The following TEX47 variants were observed in gnomAD, a reference collection of about 807,000 sequenced individuals.
TEX47 encodes testis expressed 47, also known as testis-expressed protein 47.
In TEX47, 18 loss-of-function variants were observed where a neutral mutation model predicts 18.0. The ratio of observed to expected loss-of-function variants is 1.00; its 90% confidence interval spans 0.69 to 1.48. The LOEUF (loss-of-function observed/expected upper bound fraction) is 1.48, where lower values mean the gene tolerates loss of function less well. Among genes scored for constraint, TEX47 ranks in the 40% most tolerant of loss-of-function variants. The pLI, the probability that TEX47 is intolerant of heterozygous loss-of-function variation, is 0.00. For synonymous variants in TEX47, 98 were observed against 109.4 expected (o/e 0.90, Z 0.65); for missense variants, 303 against 300.2 (o/e 1.01, Z -0.07).
In TEX47 at chr7:88,794,793, C is replaced by A. The variant is rs917454420; in HGVS notation, c.150G>T (p.Met50Ile). The change falls in exon 2 of 2, where the codon ATG (methionine) becomes ATT (isoleucine). Residue 50 changes from methionine (M) to isoleucine (I), a missense_variant. Physicochemically the swap from Met to Ile is conservative, Grantham distance 10 (BLOSUM62 1). Coordinates refer to ENST00000297203, the MANE Select transcript of TEX47 (RefSeq NM_152706.4). ...LHLKKFLLDRMFLVAKIQANV... is the reference protein window; with the variant it reads ...LHLKKFLLDRIFLVAKIQANV... ...TTGCTTGTATCTTGGCCACTAGAAA[C>A]ATCCTATCAAGAAGGAATTTCTTTA... The A allele has an allele frequency of 1.9e-6, 3 of 1,613,656 alleles. No homozygotes were observed. Among genetic ancestry groups the A allele is most frequent in the Non-Finnish European group, 2.5e-6 (3 of 1,179,802 alleles).
rs991790224 is a variant in TEX47 at position 88,795,032 on chromosome 7, G to A, written c.-90C>T. On this transcript the variant is annotated 5_prime_UTR_variant, in exon 2 of 2. It adds an upstream start codon to the 5' untranslated region. Transcript: ENST00000297203. ...AGGGTACCTCTTTACTGATGAACTC[G>A]TGTTTTTATTTCTTCTGACAAAAAA... The A allele has an allele frequency of 2.0e-5, 22 of 1,076,064 alleles. No individual in the cohort carries two copies. The highest frequency in any genetic ancestry group is 6.0e-5 in the Admixed American group (2 of 33,074). 66.7% of individuals were successfully genotyped at this position (1,076,064 alleles called of 1,614,324 possible). A position where few individuals can be genotyped will look rare whatever the true frequency, so the allele number is the denominator to read the frequency against.
Position 88,794,589 on chromosome 7 carries a change from G to T in TEX47, c.354C>A (p.Val118=). 3.7e-6 allele frequency: 6 copies of T among 1,613,464 alleles called. No homozygotes were observed. Among genetic ancestry groups the T allele is most frequent in the Non-Finnish European group, 5.1e-6 (6 of 1,179,660 alleles). The change falls in exon 2 of 2, where the codon GTC becomes GTA. Residue 118 remains valine (V), a synonymous_variant. Transcript: ENST00000297203. Reference sequence around the variant, plus strand: ...GAATAAAAAATACTGTTTCATCTTTGACATGGCCAATATAATCTAAAAGAA... The same window carrying T: ...GAATAAAAAATACTGTTTCATCTTTTACATGGCCAATATAATCTAAAAGAA... ...YKVLLDYIGH[V]KDETVFFIQQ... is the part of the protein sequence containing the mutation.
At chr7:88,795,080 T>C in intron 1 of TEX47, 34 bp from the exon 2 acceptor site, 1 of 716,478 alleles carries the variant, frequency 1.4e-6, no homozygotes, top group East Asian at 2.9e-5. Context: ...TCACGGTTTG[T>C]CAAATGTTAC....
rs777349674 is a variant in TEX47, at chr7:88,794,425, T to C, written c.518A>G (p.Asp173Gly). Reference sequence around the variant, plus strand: ...CAGTTTATGAGTTTGTGTGAGAAAATCTGTGATGACCTCCTTTAGGGACTG... The same window carrying C: ...CAGTTTATGAGTTTGTGTGAGAAAACCTGTGATGACCTCCTTTAGGGACTG... The part of the protein sequence containing the change: ...QSQSLKEVIT[D>G]FLTQTHKLSL... Residue 173 changes from aspartate to glycine, a missense_variant, in exon 2 of 2, where the codon GAT (aspartate) becomes GGT (glycine). Transcript: ENST00000297203. The C allele has an allele frequency of 1.8e-5, 29 of 1,613,760 alleles. No individual in the cohort carries two copies. The highest frequency in any genetic ancestry group is 2.4e-5 in the Non-Finnish European group (28 of 1,179,798).
Position 88,794,304 on chromosome 7 carries a change from G to T in TEX47, c.639C>A (p.Ile213=). 1 of 1,613,826 alleles carries T rather than the reference G, an allele frequency of 6.2e-7. No individual in the cohort carries two copies. Among genetic ancestry groups the T allele is most frequent in the Non-Finnish European group, 8.5e-7 (1 of 1,179,870 alleles). Residue 213 remains isoleucine, a synonymous_variant, in exon 2 of 2, where the codon ATC becomes ATA. Transcript: ENST00000297203. ...VAPDLLLPEQ[I]IKYLCKSEEF... is the part of the protein sequence containing the mutation. ...CTTCGGATTTGCACAAGTACTTTAT[G>T]ATTTGTTCTGGGAGGAGTAGGTCAG...
At position 88,794,183 on chromosome 7, in the gene TEX47, A is replaced by G. The variant is rs1347939822; in HGVS notation, c.760T>C (p.Ter254GlnextTer2). 1 of 1,601,564 alleles carries G rather than the reference A, an allele frequency of 6.2e-7. No homozygotes were observed. The highest frequency in any genetic ancestry group is 1.3e-5 in the African/African-American group (1 of 74,612). Residue 254 changes from the stop codon to glutamine, a stop_lost, in exon 2 of 2, where the codon TAG becomes CAG. Transcript: ENST00000297203. ...TGGGCACATTATCCCTCTCAATCCT[A>G]GAAACGTGAAGGAGCAGGCCATACC... ...EVVWPAPSRF[*>Q]
Position 88,794,537 on chromosome 7 carries a change from G to A in TEX47, c.406C>T (p.His136Tyr). 6.2e-7 allele frequency: 1 copy of A among 1,613,638 alleles called. No individual in the cohort carries two copies. Among genetic ancestry groups the A allele is most frequent in the South Asian group, 1.1e-5 (1 of 91,058 alleles). ...ATAAAAAGCCTCATTGGAATGTTAT[G>A]AGAAATGACTATAATTTTCATTTGT... ...IQQMKIIVIS[H>Y]NIPMRLFMQW... The change falls in exon 2 of 2, where the codon CAT becomes TAT. Residue 136 changes from histidine to tyrosine, a missense_variant. By Grantham distance (83) the His-to-Tyr change is moderately conservative. Transcript: ENST00000297203.
Position 88,794,999 on chromosome 7 carries a change from A to G in TEX47, c.-57T>C, listed in dbSNP as rs1790456755. ...CAGCTTTTAGCTTATCATAATATTT[A>G]TGCTGCCAGGGTACCTCTTTACTGA... On this transcript the variant is annotated 5_prime_UTR_variant, in exon 2 of 2. Coordinates refer to ENST00000297203, the MANE Select transcript of TEX47 (RefSeq NM_152706.4). The G allele has an allele frequency of 2.8e-6, 4 of 1,446,330 alleles. No individual in the cohort carries two copies. The highest frequency in any genetic ancestry group is 3.7e-6 in the Non-Finnish European group (4 of 1,083,602). The allele number at this position is 1,446,330 out of a possible 1,614,324, so 89.6% of individuals were successfully genotyped here. A position where few individuals can be genotyped will look rare whatever the true frequency, so the allele number is the denominator to read the frequency against.
chr7:88,795,182 A>C, intron 1 of TEX47, 136 bp from the exon 2 acceptor site: 1 of 345,398 alleles, frequency 2.9e-6, no homozygotes, highest in Non-Finnish European at 5.2e-6. Flanking sequence ...CAAACTATAG[A>C]CTTTTTTAAA....
chr7:88,794,490 T>G lies in TEX47; in HGVS notation c.453A>C (p.Ile151=), dbSNP rs1790441595. The change falls in exon 2 of 2, where the codon ATA becomes ATC. Residue 151 remains isoleucine, a synonymous_variant. Transcript: ENST00000297203. The part of the protein sequence containing the change: ...RLFMQWHVSV[I]KVPVMYLDDV... ...CGTCGAGATACATAACTGGAACTTT[T>G]ATCACTGAAACATGCCATTGCATAA... 6.2e-7 allele frequency: 1 copy of G among 1,613,858 alleles called. No homozygotes were observed.
chr7:88,794,263 G>T lies in TEX47; in HGVS notation c.680C>A (p.Ala227Glu), dbSNP rs965834952. 9 of 1,613,586 alleles carry T rather than the reference G, an allele frequency of 5.6e-6. No individual in the cohort carries two copies. In the African/African-American group the frequency reaches 1.1e-4, roughly 19 times the overall value. ...LCKSEEFMDP[A>E]TFINMYNRPI... ...TCTATTATACATGTTTATAAATGTT[G>T]CCGGGTCCATGAATTCTTCGGATTT... Residue 227 changes from alanine (A) to glutamate (E), a missense_variant, in exon 2 of 2, where the codon GCA becomes GAA. Ala to Glu is a moderately radical substitution (Grantham distance 107). Transcript: ENST00000297203.
At position 88,795,034 on chromosome 7, in the gene TEX47, G is replaced by A. The variant is rs763890599; in HGVS notation, c.-92C>T. On this transcript the variant is annotated 5_prime_UTR_variant, in exon 2 of 2. Coordinates refer to ENST00000297203, the MANE Select transcript of TEX47 (RefSeq NM_152706.4). The stretch of plus-strand genomic sequence containing the variant: ...GGTACCTCTTTACTGATGAACTCGT[G>A]TTTTTATTTCTTCTGACAAAAAAAA... The A allele has an allele frequency of 2.9e-6, 3 of 1,039,514 alleles. No individual in the cohort carries two copies. The highest frequency in any genetic ancestry group is 3.9e-6 in the Non-Finnish European group (3 of 763,608). 64.4% of individuals were successfully genotyped at this position (1,039,514 alleles called of 1,614,324 possible).
rs904850373 is a variant in TEX47 at position 88,795,715 on chromosome 7, A to G, written c.-180T>C. On this transcript the variant is annotated 5_prime_UTR_variant, in exon 1 of 2. Transcript: ENST00000297203. ...CTACTTGTCCTCCATCAGGCTCCCA[A>G]CTGCCAGTCCTCTGGTGTTCTCAGC... The G allele has an allele frequency of 8.6e-5, 13 of 151,872 alleles. No homozygotes were observed. Among genetic ancestry groups the G allele is most frequent in the African/African-American group, 3.1e-4 (13 of 41,326 alleles). 9.4% of individuals were successfully genotyped at this position (151,872 alleles called of 1,614,324 possible).
At position 88,794,239 on chromosome 7, in the gene TEX47, C is replaced by G. The variant is rs1275209506; in HGVS notation, c.704G>C (p.Arg235Thr). Reference sequence around the variant, plus strand: ...AGAATCCAGAGTGATGTGTATGGGTCTATTATACATGTTTATAAATGTTGC... The same window carrying G: ...AGAATCCAGAGTGATGTGTATGGGTGTATTATACATGTTTATAAATGTTGC... ...DPATFINMYN[R>T]PIHITLDSEV... The change falls in exon 2 of 2, where the codon AGA becomes ACA. Residue 235 changes from arginine to threonine, a missense_variant. Arg to Thr is a moderately conservative substitution (Grantham distance 71). Coordinates refer to ENST00000297203, the MANE Select transcript of TEX47 (RefSeq NM_152706.4). 1 of 1,613,480 alleles carries G rather than the reference C, an allele frequency of 6.2e-7. No homozygotes were observed. The highest frequency in any genetic ancestry group is 2.2e-5 in the East Asian group (1 of 44,854).
Position 88,794,342 on chromosome 7 carries a change from G to GT in TEX47, c.600dup (p.His201ThrfsTer6), listed in dbSNP as rs1251698180. On this transcript the variant is annotated frameshift_variant, in exon 2 of 2. Transcript: ENST00000297203. LOFTEE classifies it high-confidence loss of function. ...AGGAGTAGGTCAGGTGCAACTTGGTGTAAGTTATCGCCTGGTCCTTTAGTG... is the reference window on the plus strand; with the variant it reads ...AGGAGTAGGTCAGGTGCAACTTGGTGTTAAGTTATCGCCTGGTCCTTTAGTG... 1 of 1,613,790 alleles carries GT rather than the reference G, an allele frequency of 6.2e-7. No homozygotes were observed. The highest frequency in any genetic ancestry group is 8.5e-7 in the Non-Finnish European group (1 of 1,179,900).
rs774143646 is a variant in TEX47 at position 88,794,893 on chromosome 7, A to G, written c.50T>C (p.Leu17Pro). The change falls in exon 2 of 2, where the codon CTG becomes CCG. Residue 17 changes from leucine to proline, a missense_variant. Transcript: ENST00000297203. The part of the protein sequence containing the change: ...NQKGSKRPLP[L>P]EPLLFLQVPR... The stretch of plus-strand genomic sequence containing the variant: ...GACTTGGAGAAAAAGAAGAGGTTCC[A>G]GTGGCAAAGGCCTTTTGCTGCCCTT... The G allele has an allele frequency of 1.2e-6, 2 of 1,610,986 alleles. No individual in the cohort carries two copies. The highest frequency in any genetic ancestry group is 1.1e-5 in the South Asian group (1 of 90,388).
intron 1 of TEX47, among the ~76,000 whole-genome samples, chr7:88,795,354 A>G (rs79780571): frequency 7.7e-6 from 1 of 130,662 alleles, no homozygotes; most frequent in Non-Finnish European, 1.6e-5. Flanking sequence ...TATAACTTTT[A>G]AAAAAAAATC....
rs1790469240 is a variant in TEX47 at position 88,795,660 on chromosome 7, T to C, written c.-125A>G. On this transcript the variant is annotated 5_prime_UTR_variant, in exon 1 of 2. Coordinates refer to ENST00000297203, the MANE Select transcript of TEX47 (RefSeq NM_152706.4). ...CTTACCATTTTTCTTTTTTTTCCTG[T>C]GCTTCTGTCACGCACCTGTCCTCGA... The C allele has an allele frequency of 6.6e-6, 1 of 152,126 alleles. No homozygotes were observed. The highest frequency in any genetic ancestry group is 2.4e-5 in the African/African-American group (1 of 41,426). The allele number at this position is 152,126 out of a possible 1,614,324, so 9.4% of individuals were successfully genotyped here.
In TEX47 at chr7:88,795,013, C is replaced by A. The variant is rs760517735; in HGVS notation, c.-71G>T. On this transcript the variant is annotated 5_prime_UTR_variant, in exon 2 of 2. Transcript: ENST00000297203. ...TCATAATATTTATGCTGCCAGGGTA[C>A]CTCTTTACTGATGAACTCGTGTTTT... 18 of 1,305,704 alleles carry A rather than the reference C, an allele frequency of 1.4e-5. No individual in the cohort carries two copies. Among genetic ancestry groups the A allele is most frequent in the Middle Eastern group, 2.0e-4 (1 of 5,094 alleles). 80.9% of individuals were successfully genotyped at this position (1,305,704 alleles called of 1,614,324 possible).
Sources: allele counts gnomAD v4.1 joint callset (sites outside exome capture counted in the v4.1 genomes callset), GRCh38; gene constraint gnomAD v4.1.1; transcripts MANE v1.5; gene names NCBI Gene and HGNC (gene_info 2026-07-23, HGNC 2026-07-21).